Variants in POFUT3 observed in about 807,000 individuals in gnomAD.
POFUT3 encodes the protein protein O-fucosyltransferase 3, also known as GDP-fucose protein O-fucosyltransferase 3.
At chr8:33,472,064 A>G in the POFUT3 span, among the ~76,000 whole-genome samples, 2 of 152,194 alleles carry the variant, frequency 1.3e-5, no homozygotes, top group Non-Finnish European at 2.9e-5. Context: ...CCCTAGTTGT[A>G]GTGTGACGTT....
At chr8:33,379,405 C>A in the POFUT3 span, among the ~76,000 whole-genome samples, 5 of 150,300 alleles carry the variant, frequency 3.3e-5, no homozygotes, top group African/African-American at 1.2e-4. Flanking sequence ...AAAAAAAAAT[C>A]ATGAAACACA....
chr8:33,433,643 G>T, the POFUT3 span, among the ~76,000 whole-genome samples: 1 of 151,066 alleles, frequency 6.6e-6, no homozygotes, highest in Non-Finnish European at 1.5e-5. Flanking sequence ...AACTAGCCAG[G>T]CTTGGTGGCA....
the POFUT3 span, among the ~76,000 whole-genome samples, chr8:33,311,272 G>A: frequency 6.6e-6 from 1 of 152,044 alleles, no homozygotes; most frequent in Non-Finnish European, 1.5e-5. Context: ...AACACTGATG[G>A]GCTTTAAAAA....
At chr8:33,454,674 CTTT>C in the POFUT3 span, among the ~76,000 whole-genome samples, 8 of 141,108 alleles carry the variant, frequency 5.7e-5, no homozygotes, top group Admixed American at 1.4e-4. Flanking sequence ...AGTTTTGCCT[CTTT>C]TTTTTTTTTT....
the POFUT3 span, among the ~76,000 whole-genome samples, chr8:33,472,771 C>T: frequency 1.3e-5 from 2 of 152,202 alleles, no homozygotes; most frequent in Non-Finnish European, 2.9e-5. Flanking sequence ...GCAGAGGCTC[C>T]GGCCCGGCAC....
the POFUT3 span, among the ~76,000 whole-genome samples, chr8:33,435,519 T>TTTTTTTTC: frequency 4.0e-4 from 60 of 149,838 alleles, no homozygotes; most frequent in Non-Finnish European, 7.1e-4. Flanking sequence ...CCCAGGCAAC[T>TTTTTTTTC]TTTTTTTCTT....
chr8:33,417,147 C>G, the POFUT3 span, among the ~76,000 whole-genome samples: 4 of 152,164 alleles, frequency 2.6e-5, no homozygotes, highest in Admixed American at 6.6e-5. Context: ...AAGCATGAAC[C>G]CTACTGTGAA....
At chr8:33,322,413 G>T in the POFUT3 span, among the ~76,000 whole-genome samples, 1 of 152,096 alleles carries the variant, frequency 6.6e-6, no homozygotes, top group Non-Finnish European at 1.5e-5. Context: ...CAAGGGCCCT[G>T]AGCTTGGCTT....
chr8:33,458,959 T>C, the POFUT3 span, among the ~76,000 whole-genome samples: 1 of 152,082 alleles, frequency 6.6e-6, no homozygotes, highest in Non-Finnish European at 1.5e-5. Flanking sequence ...AGAAGGGAGA[T>C]CCTGCAGAGT....
the POFUT3 span, among the ~76,000 whole-genome samples, chr8:33,468,616 T>C: frequency 2.0e-5 from 3 of 152,206 alleles, no homozygotes; most frequent in Admixed American, 6.5e-5. Flanking sequence ...CTAAAGGCCT[T>C]TGGACAACTC....
chr8:33,381,859 T>C, the POFUT3 span, among the ~76,000 whole-genome samples: 3 of 152,202 alleles, frequency 2.0e-5, no homozygotes, highest in African/African-American at 7.2e-5. Context: ...TGCACAAAGC[T>C]TATTCCTTTA....
chr8:33,437,853 A>G, the POFUT3 span, among the ~76,000 whole-genome samples: 8 of 152,126 alleles, frequency 5.3e-5, no homozygotes, highest in Admixed American at 1.3e-4. Context: ...TTGTATTTAC[A>G]TTTCTAGATA....
the POFUT3 span, among the ~76,000 whole-genome samples, chr8:33,461,164 T>G: frequency 9.5e-6 from 1 of 105,218 alleles, no homozygotes; most frequent in Non-Finnish European, 1.7e-5. Flanking sequence ...AAAGGAGTGG[T>G]ACTGTGTCGG....
the POFUT3 span, among the ~76,000 whole-genome samples, chr8:33,336,986 A>G: frequency 6.6e-6 from 1 of 152,178 alleles, no homozygotes; most frequent in African/African-American, 2.4e-5. Context: ...AAAGGTTAGC[A>G]AAGATGTTCT....
At chr8:33,382,080 C>G in the POFUT3 span, among the ~76,000 whole-genome samples, 2 of 152,100 alleles carry the variant, frequency 1.3e-5, no homozygotes, top group African/African-American at 4.8e-5. Flanking sequence ...ATTGCTTGAG[C>G]TAAGGACTTC....
chr8:33,349,685 G>A, the POFUT3 span, among the ~76,000 whole-genome samples: 6 of 152,100 alleles, frequency 3.9e-5, no homozygotes, highest in African/African-American at 4.8e-5. Flanking sequence ...CTCATTGGTC[G>A]ATGGGCATTT....
the POFUT3 span, among the ~76,000 whole-genome samples, chr8:33,318,973 A>G: frequency 2.4e-5 from 1 of 42,402 alleles, no homozygotes; most frequent in Non-Finnish European, 3.4e-5. Flanking sequence ...TATTTTACAT[A>G]TATTTATATA....
the POFUT3 span, among the ~76,000 whole-genome samples, chr8:33,455,023 T>C: frequency 1.3e-5 from 2 of 152,320 alleles, no homozygotes; most frequent in South Asian, 4.1e-4. Flanking sequence ...TACTAGAGAA[T>C]GCACTCTAGG....
chr8:33,459,222 C>A, the POFUT3 span, among the ~76,000 whole-genome samples: 10 of 152,046 alleles, frequency 6.6e-5, no homozygotes, highest in African/African-American at 2.2e-4. Flanking sequence ...CACCTGTAAT[C>A]CCAGCTACTC....
Sources: gnomAD v4.1 joint callset for allele counts (sites outside exome capture counted in the v4.1 genomes callset) on GRCh38, gnomAD v4.1.1 for gene constraint, MANE v1.5 for transcripts, NCBI Gene and HGNC (gene_info 2026-07-23, HGNC 2026-07-21) for gene names.